PCDHA11: variants seen among roughly 807,000 people sequenced by gnomAD.
The protein encoded by PCDHA11 is protocadherin alpha 11, also known as protocadherin alpha-11.
PCDHA11 carries 61 observed loss-of-function variants against 70.3 expected under a neutral mutation model. The observed-to-expected ratio is 0.87, with a 90% CI of 0.71 to 1.07. PCDHA11 has a LOEUF of 1.07. Among genes scored for constraint, PCDHA11 ranks in the 50% least tolerant of loss-of-function variants. The probability of loss-of-function intolerance (pLI) is 0.00; values close to 1 mark genes in which losing one functional copy is unlikely to be tolerated. For synonymous variants in PCDHA11, 633 were observed against 555.1 expected (o/e 1.14, Z -1.97); for missense variants, 1,324 against 1,237.5 (o/e 1.07, Z -1.05).
intron 1 of PCDHA11, chr5:140,876,792 A>T: frequency 6.2e-7 from 1 of 1,614,116 alleles, no homozygotes; most frequent in Non-Finnish European, 8.5e-7. Context: ...CCACGGCTAG[A>T]GTGTCCGTGG....
chr5:140,956,878 A>G (rs890203275), intron 1 of PCDHA11, among the ~76,000 whole-genome samples: 4 of 152,188 alleles, frequency 2.6e-5, no homozygotes, highest in Admixed American at 2.6e-4. Context: ...GAAAAGTTAG[A>G]TATCAATGAA....
At chr5:140,874,117 T>C (rs1349618614) in intron 1 of PCDHA11, among the ~76,000 whole-genome samples, 2 of 152,248 alleles carry the variant, frequency 1.3e-5, no homozygotes, top group Admixed American at 1.3e-4. Context: ...TAACGTTTTA[T>C]AGTTTATTTA....
At chr5:140,902,914 G>A (rs560076660) in intron 1 of PCDHA11, among the ~76,000 whole-genome samples, 14 of 152,306 alleles carry the variant, frequency 9.2e-5, no homozygotes, top group African/African-American at 2.9e-4. Context: ...TGGCTGAGTA[G>A]TATTGCATGG....
chr5:140,944,697 T>C (rs1227405627), intron 1 of PCDHA11, among the ~76,000 whole-genome samples: 1 of 152,198 alleles, frequency 6.6e-6, no homozygotes, highest in Non-Finnish European at 1.5e-5. Context: ...ATAACAGTAA[T>C]TATCAGGTTA....
chr5:140,901,575 C>T (rs1554189900), intron 1 of PCDHA11, among the ~76,000 whole-genome samples: 1 of 152,030 alleles, frequency 6.6e-6, no homozygotes, highest in African/African-American at 2.4e-5. Context: ...GTTTTTATGC[C>T]AGTGCCATGA....
At chr5:141,001,726 T>G (rs2098034769) in intron 3 of PCDHA11, among the ~76,000 whole-genome samples, 1 of 152,116 alleles carries the variant, frequency 6.6e-6, no homozygotes, top group Admixed American at 6.6e-5. Flanking sequence ...GCTTGAGATA[T>G]TTTACAACCT....
intron 3 of PCDHA11, among the ~76,000 whole-genome samples, chr5:141,000,713 C>G (rs570396356): frequency 6.6e-6 from 1 of 151,652 alleles, no homozygotes; most frequent in Non-Finnish European, 1.5e-5. Context: ...CAGGCATGAG[C>G]CACTGTGCCT....
chr5:140,969,007 A>T, intron 1 of PCDHA11: 2 of 1,614,148 alleles, frequency 1.2e-6, no homozygotes, highest in Non-Finnish European at 1.7e-6. Context: ...GCTTCTGTGG[A>T]GTAAGGGAAA....
In PCDHA11 at chr5:141,010,847, A is replaced by C. The variant is rs2098418553; in HGVS notation, c.*910A>C. 6.5e-6 allele frequency: 1 copy of C among 153,782 alleles called. No homozygotes were observed. Among genetic ancestry groups the C allele is most frequent in the Non-Finnish European group, 1.5e-5 (1 of 68,062 alleles). The allele number at this position is 153,782 out of a possible 1,614,324, so 9.5% of individuals were successfully genotyped here. A position where few individuals can be genotyped will look rare whatever the true frequency, so the allele number is the denominator to read the frequency against. ...TTGTTGTTTCATAGATTTATTTAAA[A>C]AAAGAGAAAGTCTATAGCTATAAAT... On this transcript the variant is annotated 3_prime_UTR_variant, in exon 4 of 4. Transcript: ENST00000398640.
At chr5:140,927,472 G>T (rs201932518) in intron 1 of PCDHA11, 4 of 1,614,094 alleles carry the variant, frequency 2.5e-6, no homozygotes, top group African/African-American at 1.3e-5. Context: ...ACTGGATCGC[G>T]AACAGCGCGC....
intron 1 of PCDHA11, among the ~76,000 whole-genome samples, chr5:140,872,710 A>G (rs563009592): frequency 6.5e-4 from 99 of 152,384 alleles, no homozygotes; most frequent in African/African-American, 1.9e-3. Flanking sequence ...AAAGGAAACT[A>G]GGTAAATAAA....
At chr5:140,943,112 G>A (rs1250060246) in intron 1 of PCDHA11, among the ~76,000 whole-genome samples, 1 of 151,850 alleles carries the variant, frequency 6.6e-6, no homozygotes, top group African/African-American at 2.4e-5. Flanking sequence ...ACAAAAATTA[G>A]CCAGGTGTGG....
At chr5:140,967,306 C>G (rs1554229415) in intron 1 of PCDHA11, 2 of 1,612,350 alleles carry the variant, frequency 1.2e-6, no homozygotes, top group African/African-American at 2.7e-5. Flanking sequence ...TGGGCGCCAA[C>G]TCAGTACAGA....
rs782328804 is a variant in PCDHA11, at chr5:140,882,548, G to A, written c.2391+11054G>A. The A allele has an allele frequency of 5.3e-5, 86 of 1,614,126 alleles. No homozygotes were observed. The highest frequency in any genetic ancestry group is 4.9e-4 in the East Asian group (22 of 44,902). ...TGTGAATTCTCGGATCGACCGCGAG[G>A]AGCTGTGTGGGCGGAGCGCGGAGTG... On this transcript the variant is annotated intron_variant, in intron 1 of 3. Transcript: ENST00000398640.
chr5:140,927,256 C>T, intron 1 of PCDHA11: 1 of 1,614,144 alleles, frequency 6.2e-7, no homozygotes, highest in Non-Finnish European at 8.5e-7. Context: ...TGACAACTCA[C>T]CTCTCTTTCC....
chr5:140,869,418 C>G lies in PCDHA11; in HGVS notation c.315C>G (p.His105Gln). 1 of 1,614,174 alleles carries G rather than the reference C, an allele frequency of 6.2e-7. No homozygotes were observed. Among genetic ancestry groups the G allele is most frequent in the Non-Finnish European group, 8.5e-7 (1 of 1,180,042 alleles). ...GGCAGAGCGCGGAGTGCAGCATCCA[C>G]CTGGAGGTGATCGTGGACAGGCCGC... ...LCGQSAECSI[H>Q]LEVIVDRPLQ... The change falls in exon 1 of 4, where the codon CAC becomes CAG. Residue 105 changes from histidine to glutamine, a missense_variant. Coordinates refer to ENST00000398640, the MANE Select transcript of PCDHA11 (RefSeq NM_018902.5).
At chr5:140,913,394 A>G (rs2076316460) in intron 1 of PCDHA11, among the ~76,000 whole-genome samples, 1 of 152,204 alleles carries the variant, frequency 6.6e-6, no homozygotes, top group Non-Finnish European at 1.5e-5. Flanking sequence ...CATAGCCACT[A>G]ATGATCCTTT....
At chr5:140,876,928 A>C in intron 1 of PCDHA11, 1 of 1,613,812 alleles carries the variant, frequency 6.2e-7, no homozygotes, top group Non-Finnish European at 8.5e-7. Flanking sequence ...GGACGCGCAG[A>C]AGAACGCGCT....
intron 1 of PCDHA11, chr5:140,876,526 G>T: frequency 6.2e-7 from 1 of 1,614,164 alleles, no homozygotes; most frequent in Non-Finnish European, 8.5e-7. Context: ...TGAAGTAATG[G>T]TTACTTCACT....
Sources: gnomAD v4.1 joint callset for allele counts (sites outside exome capture counted in the v4.1 genomes callset) on GRCh38, gnomAD v4.1.1 for gene constraint, MANE v1.5 for transcripts, NCBI Gene and HGNC (gene_info 2026-07-23, HGNC 2026-07-21) for gene names.